The following UBE2E2 variants were observed in gnomAD, a reference collection of about 807,000 sequenced individuals.
UBE2E2 encodes ubiquitin-conjugating enzyme E2 E2.
UBE2E2 carries 6 observed loss-of-function variants against 24.7 expected under a neutral mutation model. The observed-to-expected ratio is 0.24, with a 90% CI of 0.13 to 0.48. UBE2E2 has a LOEUF of 0.48. Ranked by LOEUF, UBE2E2 falls within the 20% of genes least tolerant of loss-of-function variation. The pLI is 0.99. For missense variants in UBE2E2, 169 were observed against 245.0 expected, an observed-to-expected ratio of 0.69 and a Z score of 2.07; for synonymous variants, 104 against 83.6, an observed-to-expected ratio of 1.24 and a Z score of -1.33.
chr3:23,342,892 AG>A (rs1695437681), intron 3 of UBE2E2, among the ~76,000 whole-genome samples: 1 of 152,112 alleles, frequency 6.6e-6, no homozygotes, highest in African/African-American at 2.4e-5. Context: ...CCATTCTTAA[AG>A]TTAAAAGAAT....
chr3:23,446,004 G>C (rs149266171), intron 3 of UBE2E2, among the ~76,000 whole-genome samples: 1 of 152,118 alleles, frequency 6.6e-6, no homozygotes, highest in African/African-American at 2.4e-5. Flanking sequence ...AACAGAGAGA[G>C]ACCCCATTTC....
chr3:23,309,902 A>G (rs1177012239), intron 3 of UBE2E2, among the ~76,000 whole-genome samples: 3 of 152,134 alleles, frequency 2.0e-5, no homozygotes, highest in Non-Finnish European at 4.4e-5. Flanking sequence ...CAGAGCAAAC[A>G]GTCTAGAGGA....
intron 5 of UBE2E2, chr3:23,534,337 T>A (rs1695203463): frequency 1.3e-6 from 1 of 771,008 alleles, no homozygotes; most frequent in African/African-American, 1.9e-5. Context: ...TAGTTTTTTT[T>A]TTTTGCTCCG....
rs57708620 is a variant in UBE2E2, at chr3:23,291,849, A to ATTTTTTTT, written c.227+74557_227+74564dup. On this transcript the variant is annotated intron_variant, in intron 3 of 5. Transcript: ENST00000396703. ...AGATGTGTGCCACCATGCCCGGCTAATTTTTTTTTTTTTTTTTTTTTTTTT... is the reference window on the plus strand; with the variant it reads ...AGATGTGTGCCACCATGCCCGGCTAATTTTTTTTTTTTTTTTTTTTTTTTTTTTTTTTT... Among the ~76,000 whole-genome samples the ATTTTTTTT allele has an allele frequency of 2.2e-3, 142 of 64,032 alleles. 10 individuals carry two copies. Among genetic ancestry groups the ATTTTTTTT allele is most frequent in the African/African-American group, 3.5e-3 (49 of 14,034 alleles). The allele number at this position is 64,032 out of a possible 152,430, so 42.0% of individuals were successfully genotyped here.
At chr3:23,368,367 G>A (rs994732852) in intron 3 of UBE2E2, among the ~76,000 whole-genome samples, 40 of 152,242 alleles carry the variant, frequency 2.6e-4, no homozygotes, top group African/African-American at 8.4e-4. Context: ...AAAGATTGAT[G>A]TTAATCACCT....
chr3:23,522,760 T>G (rs1694899190), intron 4 of UBE2E2, among the ~76,000 whole-genome samples: 1 of 152,250 alleles, frequency 6.6e-6, no homozygotes, highest in East Asian at 1.9e-4. Flanking sequence ...TCCTAAGGGA[T>G]TATTTTATTT....
chr3:23,549,160 A>C (rs1216516340), intron 5 of UBE2E2, among the ~76,000 whole-genome samples: 1 of 152,262 alleles, frequency 6.6e-6, no homozygotes, highest in Admixed American at 6.5e-5. Context: ...CACATAGCAT[A>C]ATAATCTCAT....
chr3:23,331,776 G>A (rs1695065849), intron 3 of UBE2E2, among the ~76,000 whole-genome samples: 1 of 152,146 alleles, frequency 6.6e-6, no homozygotes, highest in African/African-American at 2.4e-5. Flanking sequence ...GTAGGATATG[G>A]TAAAGACTTT....
chr3:23,437,491 T>G (rs1559383509), intron 3 of UBE2E2, among the ~76,000 whole-genome samples: 1 of 152,246 alleles, frequency 6.6e-6, no homozygotes, highest in Non-Finnish European at 1.5e-5. Context: ...GTGCTAATTA[T>G]AAGAATCTCT....
At chr3:23,396,770 G>A (rs549447002) in intron 3 of UBE2E2, among the ~76,000 whole-genome samples, 31 of 152,116 alleles carry the variant, frequency 2.0e-4, no homozygotes, top group Non-Finnish European at 4.1e-4. Context: ...AACAACGTTT[G>A]ACTCATAGTG....
intron 3 of UBE2E2, among the ~76,000 whole-genome samples, chr3:23,406,839 A>C (rs1336718269): frequency 6.6e-6 from 1 of 152,144 alleles, no homozygotes; most frequent in Non-Finnish European, 1.5e-5. Context: ...AGCCAGCAAC[A>C]CTTGATACCT....
chr3:23,439,339 T>C (rs567559596), intron 3 of UBE2E2, among the ~76,000 whole-genome samples: 2 of 152,328 alleles, frequency 1.3e-5, no homozygotes, highest in East Asian at 3.9e-4. Flanking sequence ...ATCCAAGGAC[T>C]AAAGGAATAA....
chr3:23,571,866 C>T (rs530300135), intron 5 of UBE2E2, among the ~76,000 whole-genome samples: 1 of 152,306 alleles, frequency 6.6e-6, no homozygotes, highest in South Asian at 2.1e-4. Flanking sequence ...GAACAGGACA[C>T]CTCCACTGCC....
At chr3:23,330,663 A>G (rs1695035352) in intron 3 of UBE2E2, among the ~76,000 whole-genome samples, 2 of 152,338 alleles carry the variant, frequency 1.3e-5, no homozygotes, top group African/African-American at 4.8e-5. Context: ...AGCTTTATGC[A>G]TCAAGATTGG....
At chr3:23,588,395 TTTTTTTG>T (rs1696675278) in intron 5 of UBE2E2, among the ~76,000 whole-genome samples, 1 of 122,390 alleles carries the variant, frequency 8.2e-6, no homozygotes, top group African/African-American at 3.1e-5. Context: ...TTGCTTTTTG[TTTTTTTG>T]TTTTTTTGTT....
intron 3 of UBE2E2, among the ~76,000 whole-genome samples, chr3:23,457,612 C>A (rs1698708076): frequency 6.6e-6 from 1 of 152,108 alleles, no homozygotes; most frequent in Non-Finnish European, 1.5e-5. Context: ...GCAGCCTCAA[C>A]CTCCCAGGCT....
At chr3:23,214,961 T>G (rs1347952603) in intron 2 of UBE2E2, among the ~76,000 whole-genome samples, 1 of 152,152 alleles carries the variant, frequency 6.6e-6, no homozygotes, top group Non-Finnish European at 1.5e-5. Context: ...TGAAGTAATA[T>G]CTTTTGATTC....
At chr3:23,276,004 G>A (rs576645554) in intron 3 of UBE2E2, among the ~76,000 whole-genome samples, 1 of 152,086 alleles carries the variant, frequency 6.6e-6, no homozygotes, top group South Asian at 2.1e-4. Context: ...ATGATACCAG[G>A]GGCTTTGCAG....
chr3:23,480,134 C>A (rs530004918), intron 3 of UBE2E2, among the ~76,000 whole-genome samples: 1 of 152,340 alleles, frequency 6.6e-6, no homozygotes, highest in Admixed American at 6.5e-5. Context: ...CCCACAGGTC[C>A]ATGCCAAGCT....
Sources: gnomAD v4.1 joint callset for allele counts (sites outside exome capture counted in the v4.1 genomes callset) on GRCh38, gnomAD v4.1.1 for gene constraint, MANE v1.5 for transcripts, NCBI Gene and HGNC (gene_info 2026-07-23, HGNC 2026-07-21) for gene names.